Variants in FRMPD4 observed in about 807,000 individuals in gnomAD.
FRMPD4 encodes FERM and PDZ domain containing 4.
Under a neutral mutation model 94.1 loss-of-function variants are expected in FRMPD4, and 22 were observed. The observed-to-expected ratio is 0.23, with a 90% CI of 0.17 to 0.33. The LOEUF (loss-of-function observed/expected upper bound fraction) is 0.33, where lower values mean the gene tolerates loss of function less well. FRMPD4 is among the 10% of genes least tolerant of loss of function. FRMPD4 has a pLI of 1.00. For missense variants in FRMPD4, 1,111 were observed against 1,339.9 expected (o/e 0.83, Z 2.67); for synonymous variants, 631 against 548.6 (o/e 1.15, Z -2.10).
At chrX:12,221,366 TAGA>T (rs1460241760) in intron 1 of FRMPD4, among the ~76,000 whole-genome samples, 1 of 112,413 alleles carries the variant, frequency 8.9e-6, no homozygotes, top group African/African-American at 3.2e-5. Context: ...TACAAAAATA[TAGA>T]AGAACTGAAA....
chrX:11,935,163 T>C lies in FRMPD4; in HGVS notation c.95+57145T>C, dbSNP rs1323395364. Reference sequence around the variant, plus strand: ...TTTCACATATTTAACGTACACAAATTTGATGAGTTTTGACACATGCAAACA... The same window carrying C: ...TTTCACATATTTAACGTACACAAATCTGATGAGTTTTGACACATGCAAACA... On this transcript the variant is annotated intron_variant, in intron 3 of 18. Coordinates refer to the FRMPD4 transcript ENST00000640291. Among the ~76,000 whole-genome samples, 6 of 49,892 alleles carry C rather than the reference T, an allele frequency of 1.2e-4. 1 individual carries two copies. Among genetic ancestry groups the C allele is most frequent in the Non-Finnish European group, 2.8e-4 (6 of 21,261 alleles). 43.3% of individuals were successfully genotyped at this position (49,892 alleles called of 115,157 possible). A position where few individuals can be genotyped will look rare whatever the true frequency, so the allele number is the denominator to read the frequency against.
At chrX:12,506,279 T>C (rs1026678837) in intron 2 of FRMPD4, among the ~76,000 whole-genome samples, 8 of 111,447 alleles carry the variant, frequency 7.2e-5, no homozygotes, top group African/African-American at 2.6e-4. Context: ...CATAGAGTTT[T>C]TTATTTCCTA....
chrX:12,424,206 C>A (rs1424513715), intron 1 of FRMPD4, among the ~76,000 whole-genome samples: 1 of 112,028 alleles, frequency 8.9e-6, no homozygotes, highest in East Asian at 2.8e-4. Flanking sequence ...CTTGTCATTT[C>A]TTTTCAGATT....
chrX:12,164,065 C>T (rs1169478777), intron 1 of FRMPD4, among the ~76,000 whole-genome samples: 1 of 107,048 alleles, frequency 9.3e-6, no homozygotes, highest in Non-Finnish European at 1.9e-5. Context: ...TATTATTATA[C>T]TTTTAAGTTT....
chrX:11,974,155 C>G (rs2054355155), intron 3 of FRMPD4, among the ~76,000 whole-genome samples: 2 of 111,276 alleles, frequency 1.8e-5, no homozygotes, highest in South Asian at 7.8e-4. Flanking sequence ...TGTTTGTCCT[C>G]CCAGCCTCAC....
chrX:12,509,952 T>TA (rs1047659709), intron 2 of FRMPD4, among the ~76,000 whole-genome samples: 1 of 111,076 alleles, frequency 9.0e-6, no homozygotes, highest in Non-Finnish European at 1.9e-5. Context: ...GAAATAAGAG[T>TA]AAAAAAACTT....
intron 1 of FRMPD4, among the ~76,000 whole-genome samples, chrX:12,179,428 C>T (rs941457377): frequency 3.6e-5 from 4 of 111,559 alleles, no homozygotes; most frequent in Non-Finnish European, 7.5e-5. Context: ...TATAATCTAT[C>T]ATAGTTGGAT....
chrX:12,415,332 G>C (rs2056786320), intron 1 of FRMPD4, among the ~76,000 whole-genome samples: 1 of 111,302 alleles, frequency 9.0e-6, no homozygotes, highest in Admixed American at 9.6e-5. Context: ...AATATATGTT[G>C]TTTTCAAAAA....
intron 3 of FRMPD4, among the ~76,000 whole-genome samples, chrX:11,950,848 A>G (rs1262907181): frequency 9.0e-6 from 1 of 110,629 alleles, no homozygotes; most frequent in African/African-American, 3.3e-5. Context: ...ACCTGAAGTT[A>G]GGAGTTCTCG....
At chrX:12,131,680 T>G (rs2055553671) in intron 3 of FRMPD4, among the ~76,000 whole-genome samples, 1 of 111,748 alleles carries the variant, frequency 8.9e-6, no homozygotes, top group Non-Finnish European at 1.9e-5. Flanking sequence ...GACATTTTTA[T>G]CCCACAAATC....
chrX:11,935,278 T>G (rs2054151469), intron 3 of FRMPD4, among the ~76,000 whole-genome samples: 2 of 26,899 alleles, frequency 7.4e-5, no homozygotes, highest in African/African-American at 1.3e-4. Flanking sequence ...TGTTTTTTTT[T>G]TTTTTTTTTT....
At chrX:12,695,299 C>T (rs2147126425) in intron 9 of FRMPD4, among the ~76,000 whole-genome samples, 1 of 112,451 alleles carries the variant, frequency 8.9e-6, no homozygotes, top group Admixed American at 9.4e-5. Context: ...TGAACTTCGA[C>T]TCTTGGTTAA....
At chrX:12,262,602 A>T (rs769624017) in intron 1 of FRMPD4, among the ~76,000 whole-genome samples, 3 of 112,369 alleles carry the variant, frequency 2.7e-5, no homozygotes, top group South Asian at 3.7e-4. Flanking sequence ...CATGTAGAAC[A>T]GTATTTGGAC....
intron 4 of FRMPD4, among the ~76,000 whole-genome samples, chrX:12,623,809 A>G (rs888031108): frequency 8.9e-6 from 1 of 112,132 alleles, no homozygotes; most frequent in African/African-American, 3.2e-5. Context: ...TTATAAAACT[A>G]TCAGTGGATT....
At chrX:11,850,924 C>G (rs1601804346) in intron 1 of FRMPD4, among the ~76,000 whole-genome samples, 1 of 112,288 alleles carries the variant, frequency 8.9e-6, no homozygotes, top group Non-Finnish European at 1.9e-5. Context: ...CTGAACTGTA[C>G]TCTTACACAT....
At chrX:12,647,872 T>C (rs2059562591) in intron 4 of FRMPD4, among the ~76,000 whole-genome samples, 1 of 111,749 alleles carries the variant, frequency 8.9e-6, no homozygotes, top group South Asian at 3.8e-4. Context: ...TCCAACAATA[T>C]GACTTCAGAC....
chrX:12,489,508 C>G (rs764269411), intron 1 of FRMPD4, among the ~76,000 whole-genome samples: 8 of 112,187 alleles, frequency 7.1e-5, no homozygotes, highest in Non-Finnish European at 1.3e-4. Context: ...TGAATTTTAT[C>G]TCTTAAAATG....
In FRMPD4 at chrX:11,895,586, G is replaced by A. The variant is rs749676569; in HGVS notation, c.95+17568G>A. Among the ~76,000 whole-genome samples the A allele has an allele frequency of 7.1e-5, 8 of 111,977 alleles. No individual in the cohort carries two copies. In the East Asian group the frequency reaches 2.0e-3, roughly 27 times the overall value. On this transcript the variant is annotated intron_variant, in intron 3 of 18. Coordinates refer to the FRMPD4 transcript ENST00000640291. ...AATTTTTTTTGAACTTCAAAATTCA[G>A]CAGTTAAATGAGATGGAAATGGGAC...
intron 1 of FRMPD4, among the ~76,000 whole-genome samples, chrX:12,183,578 C>A (rs1185668090): frequency 2.7e-5 from 3 of 111,808 alleles, no homozygotes; most frequent in Non-Finnish European, 5.6e-5. Flanking sequence ...GAAGTCTGAT[C>A]TAATAATTAC....
Sources: allele counts gnomAD v4.1 joint callset (sites outside exome capture counted in the v4.1 genomes callset), GRCh38; gene constraint gnomAD v4.1.1; transcripts MANE v1.5; gene names NCBI Gene and HGNC (gene_info 2026-07-23, HGNC 2026-07-21).